The following APBB2 variants were observed in gnomAD, a reference collection of about 807,000 sequenced individuals.
The protein encoded by APBB2 is amyloid beta precursor protein binding family B member 2.
Under a neutral mutation model 82.5 loss-of-function variants are expected in APBB2, and 38 were observed. The observed-to-expected ratio is 0.46, with a 90% CI of 0.36 to 0.60. APBB2 has a LOEUF of 0.60. Ranked by LOEUF, APBB2 falls within the 20% of genes least tolerant of loss-of-function variation. The probability of loss-of-function intolerance (pLI) is 0.00; values close to 1 mark genes in which losing one functional copy is unlikely to be tolerated. For synonymous variants in APBB2, 341 were observed against 368.2 expected, an observed-to-expected ratio of 0.93 and a Z score of 0.85; for missense variants, 772 against 972.3, an observed-to-expected ratio of 0.79 and a Z score of 2.74.
At chr4:41,153,441 C>G (rs1430947004) in intron 1 of APBB2, among the ~76,000 whole-genome samples, 1 of 152,210 alleles carries the variant, frequency 6.6e-6, no homozygotes, top group Admixed American at 6.5e-5. Context: ...GCACCATTCA[C>G]TCTCACCCAA....
At chr4:40,944,707 A>G (rs1787898816) in intron 7 of APBB2, among the ~76,000 whole-genome samples, 158 bp downstream of exon 7, 1 of 152,204 alleles carries the variant, frequency 6.6e-6, no homozygotes, top group Non-Finnish European at 1.5e-5. Context: ...TATTAACACT[A>G]TTTACTAAGA....
At chr4:41,141,373 T>C (rs1029676520) in intron 2 of APBB2, among the ~76,000 whole-genome samples, 20 of 152,138 alleles carry the variant, frequency 1.3e-4, no homozygotes, top group Non-Finnish European at 1.8e-4. Flanking sequence ...CACACGCGCA[T>C]GTGTGCGTGT....
chr4:40,961,031 T>C (rs1793050634), intron 6 of APBB2, among the ~76,000 whole-genome samples: 1 of 151,646 alleles, frequency 6.6e-6, no homozygotes, highest in African/African-American at 2.4e-5. Flanking sequence ...CCTTGGACTA[T>C]GAGGACATAG....
intron 17 of APBB2, among the ~76,000 whole-genome samples, chr4:40,817,838 A>G (rs73810659): frequency 0.035 from 5,383 of 152,276 alleles, 317 homozygotes; most frequent in African/African-American, 0.12. Flanking sequence ...ATGAAATATG[A>G]TGATTGATTA....
At chr4:41,124,874 T>C (rs918679429) in intron 2 of APBB2, among the ~76,000 whole-genome samples, 2 of 152,214 alleles carry the variant, frequency 1.3e-5, no homozygotes, top group African/African-American at 4.8e-5. Context: ...CAATCTGCCA[T>C]CCTAGTGAAG....
chr4:40,827,867 T>C (rs1375517347), intron 13 of APBB2, among the ~76,000 whole-genome samples: 1 of 152,180 alleles, frequency 6.6e-6, no homozygotes, highest in Non-Finnish European at 1.5e-5. Context: ...TCGTGAATTG[T>C]AGCTCCCTTA....
In APBB2 at chr4:41,141,316, GTGTGTGTGTGTGTGTC is replaced by G. The variant is rs959004248; in HGVS notation, c.-261+1655_-261+1670del. 7.1e-4 allele frequency among the ~76,000 whole-genome samples: 22 copies of G among 31,034 alleles called. No homozygotes were observed. In the East Asian group the frequency reaches 0.038, roughly 54 times the overall value. 20.4% of individuals were successfully genotyped at this position (31,034 alleles called of 152,430 possible). On this transcript the variant is annotated intron_variant, in intron 2 of 17. Coordinates refer to ENST00000508593, the MANE Select transcript of APBB2 (RefSeq NM_004307.2). ...GCAGGTCAAAAATATGTGTGTGTCT[GTGTGTGTGTGTGTGTC>G]TGTGTGTGTGTGTGTCTGTGTGTCT...
chr4:41,187,939 T>C (rs1442511288), intron 1 of APBB2, among the ~76,000 whole-genome samples: 2 of 152,240 alleles, frequency 1.3e-5, no homozygotes, highest in Non-Finnish European at 2.9e-5. Flanking sequence ...TATTTATATT[T>C]TTCCCAAATG....
intron 1 of APBB2, among the ~76,000 whole-genome samples, chr4:41,174,897 G>T (rs1187282010): frequency 1.3e-5 from 2 of 152,172 alleles, no homozygotes; most frequent in African/African-American, 4.8e-5. Flanking sequence ...GACTGAAGAT[G>T]AATTTTGACA....
In APBB2 at chr4:40,813,293, GAATA is replaced by G. The variant is rs1489749146; in HGVS notation, c.*2795_*2798del. On this transcript the variant is annotated 3_prime_UTR_variant, in exon 18 of 18. Transcript: ENST00000508593. Reference sequence around the variant, plus strand: ...AATGCAGTATATTTCAGTAAAAATAGAATAAATAAAATAAAAATATTTTAAGCTG... The same window carrying G: ...AATGCAGTATATTTCAGTAAAAATAGAATAAAATAAAAATATTTTAAGCTG... 2 of 152,084 alleles carry G rather than the reference GAATA, an allele frequency of 1.3e-5. No homozygotes were observed. The highest frequency in any genetic ancestry group is 6.6e-5 in the Admixed American group (1 of 15,254). 9.4% of individuals were successfully genotyped at this position (152,084 alleles called of 1,614,324 possible).
chr4:41,107,786 C>A lies in APBB2; in HGVS notation c.-260-7036G>T, dbSNP rs1289051635. Among the ~76,000 whole-genome samples the A allele has an allele frequency of 2.0e-5, 3 of 152,248 alleles. No individual in the cohort carries two copies. In the South Asian group the frequency reaches 6.2e-4, roughly 32 times the overall value. ...ACACAAAACCAGATTGTGATACATT[C>A]TACAAAACAAAGGTATCTTTCAAGA... On this transcript the variant is annotated intron_variant, in intron 2 of 17. Transcript: ENST00000508593.
intron 6 of APBB2, among the ~76,000 whole-genome samples, chr4:40,966,371 T>C (rs1237028636): frequency 6.6e-6 from 1 of 152,170 alleles, no homozygotes; most frequent in Non-Finnish European, 1.5e-5. Context: ...CTGGCTGCAG[T>C]GGAGGAGGCA....
chr4:40,895,127 C>T (rs1018288441), intron 10 of APBB2, among the ~76,000 whole-genome samples: 5 of 152,270 alleles, frequency 3.3e-5, no homozygotes, highest in Admixed American at 1.3e-4. Context: ...TTCCAGTCAC[C>T]GTGCACAGAC....
At chr4:40,951,563 TTCGTA>T (rs1425401824) in intron 6 of APBB2, among the ~76,000 whole-genome samples, 4 of 152,256 alleles carry the variant, frequency 2.6e-5, no homozygotes, top group Non-Finnish European at 5.9e-5. Context: ...GGTAGGGACC[TTCGTA>T]TCGTGGCTCA....
rs749344264 is a variant in APBB2, at chr4:40,822,086, T to C, written c.1933-36A>G. 3.1e-6 allele frequency: 5 copies of C among 1,609,714 alleles called. No homozygotes were observed. The South Asian group carries it at 5.5e-5, about 18-fold the overall frequency. ...CATTATGCGGCATCCAATCAGGAGA[T>C]CCCAGGATCAAGCTTAAGAGTGGCA... On this transcript the variant is annotated intron_variant, in intron 16 of 17. Transcript: ENST00000508593.
chr4:40,951,406 G>A (rs751362499), intron 6 of APBB2, among the ~76,000 whole-genome samples: 3 of 152,222 alleles, frequency 2.0e-5, no homozygotes, highest in Non-Finnish European at 4.4e-5. Flanking sequence ...GTACCTAAAA[G>A]ATAATCCAAG....
At position 41,001,574 on chromosome 4, in the gene APBB2, T is replaced by C. The variant is rs79430262; in HGVS notation, c.835+12009A>G. On this transcript the variant is annotated intron_variant, in intron 6 of 17. Transcript: ENST00000508593. Reference sequence around the variant, plus strand: ...CCAATTATATTCAAGAGTAAGTCTATGAAAAGCTCAAGAAAAAGACAGGCT... The same window carrying C: ...CCAATTATATTCAAGAGTAAGTCTACGAAAAGCTCAAGAAAAAGACAGGCT... Among the ~76,000 whole-genome samples the C allele has an allele frequency of 6.5e-3, 990 of 152,250 alleles. 16 individuals are homozygous for C. The highest frequency in any genetic ancestry group is 0.021 in the African/African-American group (882 of 41,562).
chr4:41,096,766 T>C (rs1166770071), intron 3 of APBB2, among the ~76,000 whole-genome samples: 4 of 152,374 alleles, frequency 2.6e-5, no homozygotes, highest in Non-Finnish European at 2.9e-5. Context: ...TATCGAATTG[T>C]AGTCATTGAA....
intron 12 of APBB2, among the ~76,000 whole-genome samples, chr4:40,871,994 T>A (rs1435717975): frequency 1.3e-5 from 2 of 152,244 alleles, no homozygotes; most frequent in African/African-American, 4.8e-5. Context: ...GGGCATGGTG[T>A]GCTGTGAAGA....
Sources: allele counts gnomAD v4.1 joint callset (sites outside exome capture counted in the v4.1 genomes callset), GRCh38; gene constraint gnomAD v4.1.1; transcripts MANE v1.5; gene names NCBI Gene and HGNC (gene_info 2026-07-23, HGNC 2026-07-21).